VSNL1: variants seen among roughly 807,000 people sequenced by gnomAD.
The protein encoded by VSNL1 is visinin-like protein 1.
Under a neutral mutation model 20.4 loss-of-function variants are expected in VSNL1, and 6 were observed. The observed-to-expected ratio is 0.29, with a 90% CI of 0.16 to 0.58. VSNL1 has a LOEUF of 0.58. Among genes scored for constraint, VSNL1 ranks in the 20% least tolerant of loss-of-function variants. VSNL1 has a pLI of 0.90. For synonymous variants in VSNL1, 93 were observed against 86.4 expected (o/e 1.08, Z -0.42); for missense variants, 100 against 234.5 (o/e 0.43, Z 3.75).
At chr2:17,575,912 TAA>T (rs1404049195) in intron 1 of VSNL1, among the ~76,000 whole-genome samples, 5 of 152,238 alleles carry the variant, frequency 3.3e-5, no homozygotes, top group Non-Finnish European at 7.3e-5. Flanking sequence ...GATCTCTATT[TAA>T]CATTCACTTG....
At chr2:17,639,889 C>A (rs752500425) in intron 2 of VSNL1, among the ~76,000 whole-genome samples, 12 of 152,198 alleles carry the variant, frequency 7.9e-5, no homozygotes, top group Non-Finnish European at 4.4e-5. Flanking sequence ...CCAATGTCCT[C>A]CCCATTAAAT....
rs1038599104 is a variant in VSNL1 at position 17,634,277 on chromosome 2, C to T, written c.163-15133C>T. On this transcript the variant is annotated intron_variant, in intron 2 of 3. Coordinates refer to ENST00000295156, the MANE Select transcript of VSNL1 (RefSeq NM_003385.5). This position sits in a 1 kb window ranked among gnomAD's most constrained non-coding sequence, Gnocchi z 4.3. The stretch of plus-strand genomic sequence containing the variant: ...AGGACCCCACACTTGGCTTACTGCT[C>T]TGCTGCTGCCATCTTGATTCTTAAT... 6.6e-6 allele frequency among the ~76,000 whole-genome samples: 1 copy of T among 152,182 alleles called. No homozygotes were observed. Among genetic ancestry groups the T allele is most frequent in the Non-Finnish European group, 1.5e-5 (1 of 68,034 alleles).
chr2:17,591,903 AT>A (rs1007601893), intron 1 of VSNL1, among the ~76,000 whole-genome samples, 166 bp from the exon 2 acceptor site: 1 of 151,830 alleles, frequency 6.6e-6, no homozygotes, highest in Non-Finnish European at 1.5e-5. Flanking sequence ...TCACTCATAT[AT>A]TTTTCTAGAA....
At chr2:17,558,615 T>TA (rs1237681830) in intron 1 of VSNL1, among the ~76,000 whole-genome samples, 2 of 152,212 alleles carry the variant, frequency 1.3e-5, no homozygotes, top group Non-Finnish European at 2.9e-5. Flanking sequence ...GTGGCACATC[T>TA]GGTAGTCTGA....
chr2:17,628,121 G>C lies in VSNL1; in HGVS notation c.163-21289G>C, dbSNP rs533631532. Among the ~76,000 whole-genome samples, 3 of 152,336 alleles carry C rather than the reference G, an allele frequency of 2.0e-5. No individual in the cohort carries two copies. The South Asian group carries it at 6.2e-4, about 32-fold the overall frequency. On this transcript the variant is annotated intron_variant, in intron 2 of 3. Transcript: ENST00000295156. ...CAATAGTGTAAGTATCTTAATAGAA[G>C]TACAAATAAAAGGTTAAGAAGCTCA...
At chr2:17,647,483 G>T (rs984883910) in intron 2 of VSNL1, among the ~76,000 whole-genome samples, 1 of 152,166 alleles carries the variant, frequency 6.6e-6, no homozygotes, top group Non-Finnish European at 1.5e-5. Context: ...AAAGGGACCA[G>T]GACCACTCAT....
At position 17,649,268 on chromosome 2, in the gene VSNL1, TGACA is replaced by T. The variant is rs1666070989; in HGVS notation, c.163-140_163-137del. On this transcript the variant is annotated intron_variant, in intron 2 of 3. Transcript: ENST00000295156. This position sits in a 1 kb window ranked among gnomAD's most constrained non-coding sequence, Gnocchi z 6.4. ...CTCCCCTAATGCCTGCCCTTGCCCT[TGACA>T]GTCAGGCCAAACTGCTCTCCAATGG... 2 of 761,544 alleles carry T rather than the reference TGACA, an allele frequency of 2.6e-6. No individual in the cohort carries two copies. Among genetic ancestry groups the T allele is most frequent in the Non-Finnish European group, 4.4e-6 (2 of 453,076 alleles). 47.2% of individuals were successfully genotyped at this position (761,544 alleles called of 1,614,324 possible). A position where few individuals can be genotyped will look rare whatever the true frequency, so the allele number is the denominator to read the frequency against.
At chr2:17,632,877 G>A (rs1205801900) in intron 2 of VSNL1, among the ~76,000 whole-genome samples, 1 of 152,102 alleles carries the variant, frequency 6.6e-6, no homozygotes, top group Non-Finnish European at 1.5e-5. Flanking sequence ...AAAAGCACCG[G>A]GTGCAGTGAC....
intron 1 of VSNL1, among the ~76,000 whole-genome samples, chr2:17,543,127 CTT>C (rs545574622): frequency 2.4e-3 from 364 of 152,276 alleles, no homozygotes; most frequent in African/African-American, 8.4e-3. Flanking sequence ...CCTTGCCTCT[CTT>C]TGTCTTGTAA....
At chr2:17,580,863 A>G (rs1026842494) in intron 1 of VSNL1, among the ~76,000 whole-genome samples, 17 of 152,368 alleles carry the variant, frequency 1.1e-4, no homozygotes, top group Admixed American at 9.1e-4. Context: ...ACATTTGCAC[A>G]TTGTTCTGCT....
intron 2 of VSNL1, among the ~76,000 whole-genome samples, chr2:17,644,406 G>A (rs1456183133): frequency 1.3e-5 from 2 of 152,196 alleles, no homozygotes; most frequent in Admixed American, 6.5e-5. Context: ...GACAAGCCCA[G>A]TAGGCCTAAA....
chr2:17,582,459 G>A (rs62132072), intron 1 of VSNL1, among the ~76,000 whole-genome samples: 5,025 of 152,254 alleles, frequency 0.033, 88 homozygotes, highest in East Asian at 0.097. Context: ...AGCAAGTTAG[G>A]AAGCTATTGT....
intron 1 of VSNL1, among the ~76,000 whole-genome samples, chr2:17,557,937 C>A (rs922047575): frequency 6.6e-6 from 1 of 152,142 alleles, no homozygotes; most frequent in Non-Finnish European, 1.5e-5. Flanking sequence ...CCAAGTGCTC[C>A]TACAACTCTA....
intron 1 of VSNL1, among the ~76,000 whole-genome samples, chr2:17,569,304 C>A (rs1204277974): frequency 6.9e-6 from 1 of 145,386 alleles, no homozygotes; most frequent in East Asian, 2.0e-4. Context: ...GAGACCCTGT[C>A]TCAAAAAAAA....
chr2:17,620,155 A>G (rs1665323026), intron 2 of VSNL1, among the ~76,000 whole-genome samples: 1 of 152,242 alleles, frequency 6.6e-6, no homozygotes, highest in Non-Finnish European at 1.5e-5. Flanking sequence ...TGGGAAACAC[A>G]GAAGTTCATT....
chr2:17,545,737 T>A (rs1049357781), intron 1 of VSNL1, among the ~76,000 whole-genome samples: 16 of 152,124 alleles, frequency 1.1e-4, no homozygotes, highest in African/African-American at 3.9e-4. Context: ...ATTTAATGAA[T>A]GAAACAGAAA....
chr2:17,591,271 C>T (rs191816071), intron 1 of VSNL1, among the ~76,000 whole-genome samples: 4 of 152,294 alleles, frequency 2.6e-5, no homozygotes, highest in African/African-American at 9.6e-5. Context: ...GGAATTATCT[C>T]AAGCCTGCTC....
chr2:17,618,124 CTG>C (rs1402704326), intron 2 of VSNL1, among the ~76,000 whole-genome samples: 1 of 152,184 alleles, frequency 6.6e-6, no homozygotes, highest in African/African-American at 2.4e-5. Flanking sequence ...ATGTTGCTGT[CTG>C]TGCTCAAGGA....
chr2:17,562,442 C>T (rs535978402), intron 1 of VSNL1, among the ~76,000 whole-genome samples: 1 of 152,178 alleles, frequency 6.6e-6, no homozygotes, highest in South Asian at 2.1e-4. Flanking sequence ...AGAAACAAAG[C>T]TAATATTAAC....
Sources: gnomAD v4.1 joint callset for allele counts (sites outside exome capture counted in the v4.1 genomes callset) on GRCh38, gnomAD v4.1.1 for gene constraint, Gnocchi (gnomAD v3.1) non-coding constraint, MANE v1.5 for transcripts, NCBI Gene and HGNC (gene_info 2026-07-23, HGNC 2026-07-21) for gene names.